RANBP3: variants seen among roughly 807,000 people sequenced by gnomAD.
RANBP3 encodes ran-binding protein 3.
A neutral mutation model predicts 77.3 loss-of-function variants in RANBP3; 14 were observed. The ratio of observed to expected loss-of-function variants is 0.18; its 90% CI spans 0.12 to 0.28. RANBP3 has a LOEUF of 0.28. Ranked by LOEUF, RANBP3 falls within the 10% of genes least tolerant of loss-of-function variation. The pLI, the probability that RANBP3 is intolerant of heterozygous loss-of-function variation, is 1.00. For missense variants in RANBP3, 586 were observed against 752.3 expected, an observed-to-expected ratio of 0.78 and a Z score of 2.59; for synonymous variants, 315 against 312.4, an observed-to-expected ratio of 1.01 and a Z score of -0.09.
chr19:5,955,706 G>A (rs1048837790), intron 2 of RANBP3, among the ~76,000 whole-genome samples: 4 of 152,206 alleles, frequency 2.6e-5, no homozygotes, highest in African/African-American at 9.7e-5. Flanking sequence ...TTGGCAAACT[G>A]TTTTCTGCAA....
At chr19:5,933,265 CTT>C in intron 6 of RANBP3, 147 bp downstream of exon 6, 1 of 624,874 alleles carries the variant, frequency 1.6e-6, no homozygotes, top group Non-Finnish European at 2.7e-6. Context: ...GACAGCCTCT[CTT>C]TAAAGGAACT....
chr19:5,920,383 T>C (rs1296419290), intron 14 of RANBP3, among the ~76,000 whole-genome samples: 1 of 151,870 alleles, frequency 6.6e-6, no homozygotes, highest in Admixed American at 6.6e-5. Context: ...GAAATCAGCT[T>C]TAGAAGGAAA....
chr19:5,973,115 T>C (rs975218701), intron 1 of RANBP3, among the ~76,000 whole-genome samples: 5 of 152,204 alleles, frequency 3.3e-5, no homozygotes, highest in African/African-American at 4.8e-5. Context: ...AAAGCACACA[T>C]TCTGCTCTAA....
At chr19:5,917,741 G>A (rs1456298925) in intron 16 of RANBP3, 53 bp downstream of exon 16, 8 of 1,586,234 alleles carry the variant, frequency 5.0e-6, no homozygotes, top group Admixed American at 3.4e-5. Flanking sequence ...ACTGGATCAA[G>A]GATGGCGGGC....
chr19:5,926,467 C>T (rs2057911514), intron 9 of RANBP3, among the ~76,000 whole-genome samples: 1 of 152,130 alleles, frequency 6.6e-6, no homozygotes, highest in Non-Finnish European at 1.5e-5. Context: ...AGGAGAATCG[C>T]TTGAACCCAG....
intron 14 of RANBP3, among the ~76,000 whole-genome samples, chr19:5,920,343 C>T (rs1412135772): frequency 2.0e-5 from 3 of 152,114 alleles, no homozygotes; most frequent in Admixed American, 2.0e-4. Context: ...AGGCGATGAT[C>T]ACACTGTATT....
chr19:5,966,773 C>T (rs773345488), intron 1 of RANBP3, among the ~76,000 whole-genome samples: 4 of 152,212 alleles, frequency 2.6e-5, no homozygotes, highest in Non-Finnish European at 4.4e-5. Flanking sequence ...CTGATGACTC[C>T]AATACCTGCC....
At chr19:5,933,153 G>A (rs970291514) in intron 6 of RANBP3, 4 of 442,392 alleles carry the variant, frequency 9.0e-6, no homozygotes, top group Admixed American at 8.2e-5. Context: ...GCTGGGCATG[G>A]AGCCCGCCCG....
chr19:5,958,406 C>A lies in RANBP3; in HGVS notation c.23-433G>T, dbSNP rs988778233. Among the ~76,000 whole-genome samples the A allele has an allele frequency of 6.6e-6, 1 of 152,230 alleles. No individual in the cohort carries two copies. The highest frequency in any genetic ancestry group is 2.4e-5 in the African/African-American group (1 of 41,456). Reference sequence around the variant, plus strand: ...GAGGGCAAAAAAAAGGGCCACCGCTCGCGCTGTTTGCAGACAGTTCTGGTA... The same window carrying A: ...GAGGGCAAAAAAAAGGGCCACCGCTAGCGCTGTTTGCAGACAGTTCTGGTA... On this transcript the variant is annotated intron_variant, in intron 1 of 16. Transcript: ENST00000340578. This position sits in a 1 kb window ranked among gnomAD's most constrained non-coding sequence, Gnocchi z 4.4.
chr19:5,929,040 G>A (rs967207802), intron 8 of RANBP3, among the ~76,000 whole-genome samples: 1 of 152,238 alleles, frequency 6.6e-6, no homozygotes, highest in Non-Finnish European at 1.5e-5. Flanking sequence ...AAAGGCTGCA[G>A]GCAGCTTCTG....
intron 14 of RANBP3, among the ~76,000 whole-genome samples, chr19:5,920,184 G>A (rs1178574173): frequency 6.6e-6 from 1 of 152,126 alleles, no homozygotes; most frequent in Non-Finnish European, 1.5e-5. Context: ...ACTGTTTGAT[G>A]CCAGGAGCTC....
At chr19:5,929,604 C>G (rs1270281843) in intron 8 of RANBP3, among the ~76,000 whole-genome samples, 2 of 152,240 alleles carry the variant, frequency 1.3e-5, no homozygotes, top group African/African-American at 4.8e-5. Context: ...GAGGGGAAGC[C>G]TCTTCCCCAC....
At chr19:5,939,199 C>A (rs1175256661) in intron 5 of RANBP3, among the ~76,000 whole-genome samples, 3 of 152,158 alleles carry the variant, frequency 2.0e-5, no homozygotes, top group South Asian at 2.1e-4. Flanking sequence ...AACCAAAAAA[C>A]CCCAATTATG....
chr19:5,940,979 G>A (rs1335787919), intron 5 of RANBP3, among the ~76,000 whole-genome samples: 1 of 152,216 alleles, frequency 6.6e-6, no homozygotes, highest in Non-Finnish European at 1.5e-5. Context: ...TCCCCAGGCC[G>A]ACCTCCAGGC....
rs1230789409 is a variant in RANBP3, at chr19:5,932,507, G to A, written c.510C>T (p.Ser170=). 9 of 1,613,814 alleles carry A rather than the reference G, an allele frequency of 5.6e-6. No individual in the cohort carries two copies. The highest frequency in any genetic ancestry group is 1.7e-5 in the Admixed American group (1 of 60,028). The change falls in exon 7 of 17, where the codon AGC becomes AGT. Residue 170 remains serine, a synonymous_variant. Transcript: ENST00000340578. ...PSQKPKEQQR[S]VLRPAVLQAP... ...CTTGTAACACTGCCGGGCGAAGCAC[G>A]CTCCGCTGCTGCTCCTTGGGCTTCT...
At chr19:5,923,757 C>T (rs2057860934) in intron 12 of RANBP3, 55 bp downstream of exon 12, 2 of 1,426,530 alleles carry the variant, frequency 1.4e-6, no homozygotes, top group Non-Finnish European at 9.9e-7. Context: ...ATGGACCCAG[C>T]ATCCCCCAAG....
intron 1 of RANBP3, among the ~76,000 whole-genome samples, chr19:5,962,197 G>C (rs1226563564): frequency 6.6e-6 from 1 of 152,128 alleles, no homozygotes; most frequent in Non-Finnish European, 1.5e-5. Flanking sequence ...AACACCAGCT[G>C]CTACGTACTC....
At chr19:5,932,075 AG>A (rs1263929456) in intron 7 of RANBP3, among the ~76,000 whole-genome samples, 2 of 152,212 alleles carry the variant, frequency 1.3e-5, no homozygotes, top group African/African-American at 4.8e-5. Flanking sequence ...TGACCTTTCA[AG>A]TTTTTAAAGA....
chr19:5,948,866 CAGTG>C (rs957640233), intron 3 of RANBP3, among the ~76,000 whole-genome samples: 3 of 152,180 alleles, frequency 2.0e-5, no homozygotes, highest in African/African-American at 7.2e-5. Context: ...ACCAGGCTCG[CAGTG>C]AGTGCCCAGA....
Sources: gnomAD v4.1 joint callset for allele counts (sites outside exome capture counted in the v4.1 genomes callset) on GRCh38, gnomAD v4.1.1 for gene constraint, Gnocchi (gnomAD v3.1) non-coding constraint, MANE v1.5 for transcripts, NCBI Gene and HGNC (gene_info 2026-07-23, HGNC 2026-07-21) for gene names.